Variants in MRTFB observed in about 807,000 individuals in gnomAD.
MRTFB encodes myocardin related transcription factor B.
MRTFB carries 29 observed loss-of-function variants against 104.2 expected under a neutral mutation model. The observed-to-expected ratio is 0.28, with a 90% CI of 0.21 to 0.38. MRTFB has a LOEUF of 0.38. MRTFB is among the 10% of genes least tolerant of loss of function. MRTFB has a pLI of 1.00. For synonymous variants in MRTFB, 535 were observed against 519.5 expected (o/e 1.03, Z -0.41); for missense variants, 1,270 against 1,341.6 (o/e 0.95, Z 0.83).
the MRTFB span, among the ~76,000 whole-genome samples, chr16:14,028,486 G>A: frequency 6.6e-6 from 1 of 152,284 alleles, no homozygotes; most frequent in East Asian, 1.9e-4. Context: ...GCTAGGACTG[G>A]GAAGGGACAG....
intron 11 of MRTFB, 101 bp downstream of exon 11, chr16:14,245,761 T>C (rs2042984737): frequency 7.8e-7 from 1 of 1,278,338 alleles, no homozygotes; most frequent in East Asian, 2.4e-5. Context: ...TCAGTAGACA[T>C]TCAACTTTAC....
intron 3 of MRTFB, among the ~76,000 whole-genome samples, chr16:14,171,077 G>GACA (rs1200888963): frequency 6.6e-6 from 1 of 152,128 alleles, no homozygotes; most frequent in Admixed American, 6.5e-5. Context: ...ATGTCCTTTT[G>GACA]ACAAGCCCAA....
rs1288033316 is a variant in MRTFB, at chr16:14,230,836, A to G, written c.694-3310A>G. On this transcript the variant is annotated intron_variant, in intron 8 of 16. Coordinates refer to ENST00000571589, the MANE Select transcript of MRTFB (RefSeq NM_001308142.2). ...CTGCTATAAAGACACATGCACACGT[A>G]TGTTTATTGAGGCACTATTCACAAT... 3.3e-5 allele frequency among the ~76,000 whole-genome samples: 5 copies of G among 151,780 alleles called. No individual in the cohort carries two copies. In the East Asian group the frequency reaches 5.8e-4, roughly 18 times the overall value.
chr16:14,227,997 T>C (rs2042088204), intron 8 of MRTFB, among the ~76,000 whole-genome samples: 1 of 151,210 alleles, frequency 6.6e-6, no homozygotes. Flanking sequence ...GACATCCTTC[T>C]TAAGAGGATA....
rs778920683 is a variant in MRTFB, at chr16:14,092,040, TGG to T, written c.-64+12687_-64+12688del. Among the ~76,000 whole-genome samples, 26 of 145,338 alleles carry T rather than the reference TGG, an allele frequency of 1.8e-4. No individual in the cohort carries two copies. The East Asian group carries it at 3.3e-3, about 18-fold the overall frequency. On this transcript the variant is annotated intron_variant, in intron 2 of 16. Coordinates refer to ENST00000571589, the MANE Select transcript of MRTFB (RefSeq NM_001308142.2). ...AAAAAAAGAATGCCTCCCAAGTTAG[TGG>T]CTTTGGTAACCTATGATGGCACCAC...
At chr16:14,199,327 C>T (rs965804560) in intron 3 of MRTFB, among the ~76,000 whole-genome samples, 3 of 152,186 alleles carry the variant, frequency 2.0e-5, no homozygotes, top group African/African-American at 7.2e-5. Context: ...AGCTCAGTCC[C>T]GGGCTTTCTT....
At chr16:14,000,888 T>C in the MRTFB span, among the ~76,000 whole-genome samples, 1 of 152,216 alleles carries the variant, frequency 6.6e-6, no homozygotes, top group African/African-American at 2.4e-5. Context: ...CCACAGAAGG[T>C]CTCTGAGCCT....
the MRTFB span, among the ~76,000 whole-genome samples, chr16:14,036,206 A>G: frequency 2.4e-5 from 3 of 127,072 alleles, no homozygotes; most frequent in Non-Finnish European, 4.8e-5. Flanking sequence ...TATATAATAT[A>G]TTATATAAAA....
At chr16:14,159,765 T>A (rs1183544124) in intron 3 of MRTFB, among the ~76,000 whole-genome samples, 1 of 150,668 alleles carries the variant, frequency 6.6e-6, no homozygotes, top group Non-Finnish European at 1.5e-5. Flanking sequence ...CCGTCTCTAC[T>A]AAAAATACAA....
chr16:14,036,300 A>ATT, the MRTFB span, among the ~76,000 whole-genome samples: 5 of 125,920 alleles, frequency 4.0e-5, no homozygotes, highest in African/African-American at 1.4e-4. Context: ...ATATATTTAT[A>ATT]TATATATATA....
At chr16:14,018,236 C>T in the MRTFB span, among the ~76,000 whole-genome samples, 1 of 152,088 alleles carries the variant, frequency 6.6e-6, no homozygotes, top group Non-Finnish European at 1.5e-5. Flanking sequence ...AATCCTGGCT[C>T]CACCGCTTAT....
intron 3 of MRTFB, chr16:14,141,213 A>T (rs1671841344): frequency 6.1e-6 from 1 of 164,442 alleles, no homozygotes; most frequent in Non-Finnish European, 1.3e-5. Context: ...AGTATTTATT[A>T]TATTAATGGG....
the MRTFB span, among the ~76,000 whole-genome samples, chr16:14,000,828 G>A: frequency 5.3e-5 from 8 of 152,362 alleles, no homozygotes; most frequent in Non-Finnish European, 1.0e-4. Flanking sequence ...CAGAAGGGTG[G>A]CTGGGACGAC....
At chr16:14,146,223 CTT>C (rs1368466864) in intron 3 of MRTFB, among the ~76,000 whole-genome samples, 2 of 152,206 alleles carry the variant, frequency 1.3e-5, no homozygotes, top group African/African-American at 4.8e-5. Flanking sequence ...CTGATTTAGA[CTT>C]TTGTAAAATC....
intron 2 of MRTFB, among the ~76,000 whole-genome samples, chr16:14,132,809 C>T (rs1337354786): frequency 6.6e-6 from 1 of 152,124 alleles, no homozygotes; most frequent in African/African-American, 2.4e-5. Context: ...TGTTTCAGGA[C>T]ATGCTGAGTG....
chr16:14,144,930 CAG>C, intron 3 of MRTFB: 1 of 141,800 alleles, frequency 7.1e-6, no homozygotes, highest in East Asian at 2.0e-4. Context: ...TCCTGGGTGA[CAG>C]AGCAAGACTC....
intron 3 of MRTFB, among the ~76,000 whole-genome samples, chr16:14,167,477 T>C (rs1225259358): frequency 6.6e-6 from 1 of 152,154 alleles, no homozygotes; most frequent in Non-Finnish European, 1.5e-5. Flanking sequence ...CTGATGATAG[T>C]TTATTTAGTT....
intron 8 of MRTFB, among the ~76,000 whole-genome samples, chr16:14,225,057 G>A (rs578108475): frequency 1.6e-4 from 24 of 152,180 alleles, no homozygotes; most frequent in Non-Finnish European, 2.2e-4. Context: ...GTGGTGGCGC[G>A]TGCCTGTAAT....
rs2043845103 is a variant in MRTFB, at chr16:14,263,489, G to C, written c.*2045G>C. 6.6e-6 allele frequency: 1 copy of C among 152,172 alleles called. No individual in the cohort carries two copies. Among genetic ancestry groups the C allele is most frequent in the Non-Finnish European group, 1.5e-5 (1 of 68,034 alleles). The allele number at this position is 152,172 out of a possible 1,614,324, so 9.4% of individuals were successfully genotyped here. A position where few individuals can be genotyped will look rare whatever the true frequency, so the allele number is the denominator to read the frequency against. On this transcript the variant is annotated 3_prime_UTR_variant, in exon 17 of 17. Coordinates refer to ENST00000571589, the MANE Select transcript of MRTFB (RefSeq NM_001308142.2). The stretch of plus-strand genomic sequence containing the variant: ...CATCTTCTTCATTCAGATTTGAATG[G>C]CTTATTAAATTAGCACCAAATATCA...
Sources: gnomAD v4.1 joint callset for allele counts (sites outside exome capture counted in the v4.1 genomes callset) on GRCh38, gnomAD v4.1.1 for gene constraint, MANE v1.5 for transcripts, NCBI Gene and HGNC (gene_info 2026-07-23, HGNC 2026-07-21) for gene names.